The following RREB1 variants were observed in gnomAD, a reference collection of about 807,000 sequenced individuals.
RREB1 encodes ras-responsive element-binding protein 1.
RREB1 carries 27 observed loss-of-function variants against 117.8 expected under a neutral mutation model. That is an observed-to-expected ratio of 0.23 (90% CI 0.17 to 0.32). RREB1 has a LOEUF of 0.32. RREB1 is among the 10% of genes least tolerant of loss of function. The probability of loss-of-function intolerance (pLI) is 1.00; values close to 1 mark genes in which losing one functional copy is unlikely to be tolerated. For missense variants in RREB1, 2,577 were observed against 2,378.2 expected (o/e 1.08, Z -1.74); for synonymous variants, 1,298 against 1,026.7 (o/e 1.26, Z -5.05).
chr6:7,188,728 A>G (rs1765238767), intron 5 of RREB1, among the ~76,000 whole-genome samples: 1 of 152,198 alleles, frequency 6.6e-6, no homozygotes, highest in Non-Finnish European at 1.5e-5. Flanking sequence ...TACCCTGTGC[A>G]GGTTTCAGTT....
chr6:7,139,958 T>C (rs1450273337), intron 1 of RREB1, among the ~76,000 whole-genome samples: 1 of 152,226 alleles, frequency 6.6e-6, no homozygotes, highest in Non-Finnish European at 1.5e-5. Context: ...TGCGCAGGTT[T>C]CAGTAAACAT....
intron 4 of RREB1, chr6:7,183,422 C>T (rs1372537479): frequency 6.6e-6 from 1 of 152,242 alleles, no homozygotes; most frequent in Non-Finnish European, 1.5e-5. Flanking sequence ...GCTACTGTAC[C>T]AGGTGCCAGG....
At chr6:7,174,253 G>A (rs540624195) in intron 1 of RREB1, among the ~76,000 whole-genome samples, 14 of 148,202 alleles carry the variant, frequency 9.4e-5, no homozygotes, top group Non-Finnish European at 1.9e-4. Context: ...CAAGCTCTGT[G>A]ACTCCCTCAG....
intron 6 of RREB1, among the ~76,000 whole-genome samples, chr6:7,205,999 C>G (rs1365144651): frequency 6.6e-6 from 1 of 152,150 alleles, no homozygotes; most frequent in Non-Finnish European, 1.5e-5. Flanking sequence ...CTGTAAAAGC[C>G]TCTTTGGGTG....
At chr6:7,143,215 A>C (rs1762702594) in intron 1 of RREB1, among the ~76,000 whole-genome samples, 1 of 152,218 alleles carries the variant, frequency 6.6e-6, no homozygotes, top group East Asian at 1.9e-4. Flanking sequence ...TTCCTATGCT[A>C]GCCCTGATGG....
chr6:7,211,320 GTGGATGGATGGATGGACAGATGGA>G (rs1561783199), intron 7 of RREB1, among the ~76,000 whole-genome samples: 1 of 93,860 alleles, frequency 1.1e-5, no homozygotes. Flanking sequence ...GGGAGGGTGG[GTGGATGGATGGATGGACAGATGGA>G]TGGATGGATG....
chr6:7,167,847 C>T (rs1021888664), intron 1 of RREB1, among the ~76,000 whole-genome samples: 9 of 152,112 alleles, frequency 5.9e-5, no homozygotes, highest in African/African-American at 2.2e-4. Flanking sequence ...CTCCTTTGAA[C>T]CTATATTGTA....
In RREB1 at chr6:7,231,360, G is replaced by T; in HGVS notation, c.3261G>T (p.Ala1087=). 6.2e-7 allele frequency: 1 copy of T among 1,612,990 alleles called. No individual in the cohort carries two copies. Among genetic ancestry groups the T allele is most frequent in the East Asian group, 2.2e-5 (1 of 44,858 alleles). The change falls in exon 10 of 13, where the codon GCG becomes GCT. Residue 1087 remains alanine (A), a synonymous_variant. Transcript: ENST00000379938. ...CCACCCTGCTGAAAACCAAGGTGGCGGACCCAGGGCCCGCAAGCACTGGCA... is the reference window on the plus strand; with the variant it reads ...CCACCCTGCTGAAAACCAAGGTGGCTGACCCAGGGCCCGCAAGCACTGGCA... ...SAPTLLKTKV[A]DPGPASTGSN...
intron 2 of RREB1, among the ~76,000 whole-genome samples, chr6:7,180,703 T>C (rs182658748): frequency 1.2e-3 from 185 of 152,352 alleles, no homozygotes; most frequent in Non-Finnish European, 1.9e-3. Context: ...AGGTCTGTCC[T>C]GAGAGTGTCT....
At chr6:7,201,408 A>G (rs1765968923) in intron 6 of RREB1, among the ~76,000 whole-genome samples, 1 of 152,098 alleles carries the variant, frequency 6.6e-6, no homozygotes, top group Non-Finnish European at 1.5e-5. Context: ...GGGCTGAACA[A>G]GCTGGTGCTA....
rs558143810 is a variant in RREB1 at position 7,239,596 on chromosome 6, A to G, written c.3809-842A>G. ...AGCAGGAGGGGACTGTGCCTCTCTC[A>G]GTGGCTCACCCATCTGTGCGTTTGG... On this transcript the variant is annotated intron_variant, in intron 10 of 12. Coordinates refer to ENST00000379938, the MANE Select transcript of RREB1 (RefSeq NM_001003699.4). Among the ~76,000 whole-genome samples, 13 of 152,384 alleles carry G rather than the reference A, an allele frequency of 8.5e-5. No homozygotes were observed. In the East Asian group the frequency reaches 1.3e-3, roughly 16 times the overall value.
rs1447539402 is a variant in RREB1, at chr6:7,246,439, C to T, written c.3989C>T (p.Ala1330Val). 4 of 1,492,916 alleles carry T rather than the reference C, an allele frequency of 2.7e-6. No individual in the cohort carries two copies. Among genetic ancestry groups the T allele is most frequent in the Admixed American group, 2.2e-5 (1 of 46,052 alleles). 92.5% of individuals were successfully genotyped at this position (1,492,916 alleles called of 1,614,324 possible). A position where few individuals can be genotyped will look rare whatever the true frequency, so the allele number is the denominator to read the frequency against. Residue 1330 changes from alanine to valine, a missense_variant, in exon 12 of 13, where the codon GCG (alanine) becomes GTG (valine). Ala to Val is a moderately conservative substitution (Grantham distance 64). Transcript: ENST00000379938. ...SHDSTDSQSDAETAAAAGEVL... is the reference protein window; with the variant it reads ...SHDSTDSQSDVETAAAAGEVL... ...TGCCCCACAGACAGTCAGTCGGATGCGGAGACTGCAGCCGCCGCGGGCGAA... is the reference window on the plus strand; with the variant it reads ...TGCCCCACAGACAGTCAGTCGGATGTGGAGACTGCAGCCGCCGCGGGCGAA...
chr6:7,121,807 C>T (rs1041889337), intron 1 of RREB1, among the ~76,000 whole-genome samples: 3 of 151,948 alleles, frequency 2.0e-5, no homozygotes, highest in African/African-American at 7.3e-5. Flanking sequence ...ACAAAACCGA[C>T]AGTGACGTGT....
In RREB1 at chr6:7,229,817, C is replaced by T. The variant is rs759718934; in HGVS notation, c.1718C>T (p.Ala573Val). The change falls in exon 10 of 13, where the codon GCG (alanine) becomes GTG (valine). Residue 573 changes from alanine (A) to valine (V), a missense_variant. Transcript: ENST00000379938. This position sits in a 1 kb window ranked among gnomAD's most constrained non-coding sequence, Gnocchi z 4.5. ...LQSKSGTQPH[A>V]ATRLSLQQPR... ...TCCAAGTCCGGGACCCAGCCCCACG[C>T]GGCCACGCGGCTCTCCCTGCAGCAG... 1.3e-5 allele frequency: 21 copies of T among 1,610,148 alleles called. No homozygotes were observed. Among genetic ancestry groups the T allele is most frequent in the Middle Eastern group, 1.6e-4 (1 of 6,072 alleles).
At chr6:7,140,845 G>A (rs570946851) in intron 1 of RREB1, 4 of 152,334 alleles carry the variant, frequency 2.6e-5, no homozygotes, top group Admixed American at 2.6e-4. Context: ...GTGGTGGCTC[G>A]CGCGCGCTGG....
intron 8 of RREB1, chr6:7,217,872 T>A (rs2113041059): frequency 6.6e-6 from 1 of 152,364 alleles, no homozygotes; most frequent in East Asian, 1.9e-4. Flanking sequence ...AGGAGTCAAC[T>A]TCCAGGTGCG....
chr6:7,175,828 T>A lies in RREB1; in HGVS notation c.-284-827T>A, dbSNP rs1273634505. 3.9e-5 allele frequency among the ~76,000 whole-genome samples: 6 copies of A among 152,374 alleles called. No homozygotes were observed. In the East Asian group the frequency reaches 9.7e-4, roughly 25 times the overall value. On this transcript the variant is annotated intron_variant, in intron 1 of 12. Coordinates refer to ENST00000379938, the MANE Select transcript of RREB1 (RefSeq NM_001003699.4). ...GGAAAAGGTCTGCATTTGGTCCTAT[T>A]TGACGTGTGTTACCAACACTTTCTC...
chr6:7,237,565 A>G (rs1768418491), intron 10 of RREB1, among the ~76,000 whole-genome samples: 1 of 152,186 alleles, frequency 6.6e-6, no homozygotes, highest in Non-Finnish European at 1.5e-5. Context: ...GGCTTGCAGA[A>G]TGCTGTAGGT....
chr6:7,169,042 T>C (rs143985934), intron 1 of RREB1, among the ~76,000 whole-genome samples: 4 of 152,256 alleles, frequency 2.6e-5, no homozygotes, highest in Non-Finnish European at 5.9e-5. Context: ...GGAAAAAATA[T>C]AATTGGATGC....
Sources: gnomAD v4.1 joint callset for allele counts (sites outside exome capture counted in the v4.1 genomes callset) on GRCh38, gnomAD v4.1.1 for gene constraint, Gnocchi (gnomAD v3.1) non-coding constraint, MANE v1.5 for transcripts, NCBI Gene and HGNC (gene_info 2026-07-23, HGNC 2026-07-21) for gene names.